Variants in IL33 observed in about 807,000 individuals in gnomAD.
IL33 encodes interleukin 33, also known as interleukin-33.
Under a neutral mutation model 27.3 loss-of-function variants are expected in IL33, and 37 were observed. The observed-to-expected ratio is 1.36, with a 90% CI of 1.04 to 1.78. IL33 has a LOEUF of 1.78. Among genes scored for constraint, IL33 ranks in the 40% most tolerant of loss-of-function variants. The probability of loss-of-function intolerance (pLI) is 0.00; values close to 1 mark genes in which losing one functional copy is unlikely to be tolerated. For missense variants in IL33, 406 were observed against 311.4 expected (o/e 1.30, Z -2.29); for synonymous variants, 132 against 102.9 (o/e 1.28, Z -1.71).
intron 6 of IL33, among the ~76,000 whole-genome samples, chr9:6,253,826 A>G (rs571522677): frequency 6.6e-6 from 1 of 152,308 alleles, no homozygotes; most frequent in African/African-American, 2.4e-5. Context: ...ACAGATCCAA[A>G]ACAAGAGTGG....
rs575522076 is a variant in IL33 at position 6,240,773 on chromosome 9, A to G, written c.-11-911A>G. Among the ~76,000 whole-genome samples the G allele has an allele frequency of 5.9e-5, 9 of 152,300 alleles. No homozygotes were observed. In the East Asian group the frequency reaches 1.7e-3, roughly 29 times the overall value. On this transcript the variant is annotated intron_variant, in intron 1 of 7. Coordinates refer to ENST00000682010, the MANE Select transcript of IL33 (RefSeq NM_033439.4). ...TTATTTAAAATTGTTTCCTTTTTCC[A>G]TAATAAATTAACCTTGCTTACTATA...
At chr9:6,238,047 A>G (rs1819330728) in intron 1 of IL33, among the ~76,000 whole-genome samples, 1 of 152,206 alleles carries the variant, frequency 6.6e-6, no homozygotes, top group South Asian at 2.1e-4. Context: ...TGCTTTGTGT[A>G]TAAGAAAGGC....
At position 6,251,213 on chromosome 9, in the gene IL33, T is replaced by C; in HGVS notation, c.291T>C (p.Gly97=). The change falls in exon 4 of 8, where the codon GGT becomes GGC. Residue 97 remains glycine (G), a synonymous_variant. Transcript: ENST00000682010. The part of the protein sequence containing the change: ...QQSTVECFAF[G]ISGVQKYTRA... ...CTACTGTGGAGTGCTTTGCCTTTGGTATATCAGGGGTCCAGAAATATACTA... is the reference window on the plus strand; with the variant it reads ...CTACTGTGGAGTGCTTTGCCTTTGGCATATCAGGGGTCCAGAAATATACTA... The C allele has an allele frequency of 6.2e-7, 1 of 1,614,002 alleles. No individual in the cohort carries two copies. The highest frequency in any genetic ancestry group is 8.5e-7 in the Non-Finnish European group (1 of 1,179,892).
At chr9:6,249,899 T>C (rs943739971) in intron 2 of IL33, among the ~76,000 whole-genome samples, 1 of 152,234 alleles carries the variant, frequency 6.6e-6, no homozygotes, top group African/African-American at 2.4e-5. Context: ...GTAGTTATTT[T>C]AATATCAGTA....
rs754333662 is a variant in IL33, at chr9:6,257,858, TC to T, written c.*1693del. On this transcript the variant is annotated 3_prime_UTR_variant, in exon 8 of 8. Coordinates refer to ENST00000682010, the MANE Select transcript of IL33 (RefSeq NM_033439.4). The stretch of plus-strand genomic sequence containing the variant: ...AAAAATAAAAGCAGAATGTATATCA[TC>T]CCATCTGAAAAACACTAATTATTGA... 3 of 152,176 alleles carry T rather than the reference TC, an allele frequency of 2.0e-5. No individual in the cohort carries two copies. Among genetic ancestry groups the T allele is most frequent in the Non-Finnish European group, 2.9e-5 (2 of 68,028 alleles). 9.4% of individuals were successfully genotyped at this position (152,176 alleles called of 1,614,324 possible).
intron 1 of IL33, among the ~76,000 whole-genome samples, chr9:6,223,915 C>T (rs1818517718): frequency 6.6e-6 from 1 of 152,118 alleles, no homozygotes; most frequent in South Asian, 2.1e-4. Context: ...CATCTATGAT[C>T]TCTCTTCATG....
At position 6,253,713 on chromosome 9, in the gene IL33, T is replaced by A. The variant is rs372604169; in HGVS notation, c.520+111T>A. On this transcript the variant is annotated intron_variant, in intron 6 of 7. Coordinates refer to ENST00000682010, the MANE Select transcript of IL33 (RefSeq NM_033439.4). The stretch of plus-strand genomic sequence containing the variant: ...AGGAAAAAAGATAGTCTCAGAAGGT[T>A]ATCTCCAACCCAAGCTCATGGTAAA... 3 of 708,838 alleles carry A rather than the reference T, an allele frequency of 4.2e-6. No individual in the cohort carries two copies. The African/African-American group carries it at 5.4e-5, about 13-fold the overall frequency. The allele number at this position is 708,838 out of a possible 1,614,324, so 43.9% of individuals were successfully genotyped here.
At chr9:6,215,927 T>G (rs1262897668) in intron 1 of IL33, 75 bp downstream of exon 1, 6 of 107,344 alleles carry the variant, frequency 5.6e-5, no homozygotes, top group African/African-American at 1.6e-4. Flanking sequence ...GAGAACTGTG[T>G]TTTTTTTTTT....
intron 2 of IL33, among the ~76,000 whole-genome samples, chr9:6,247,085 G>T (rs527792431): frequency 6.6e-6 from 1 of 152,196 alleles, no homozygotes; most frequent in African/African-American, 2.4e-5. Flanking sequence ...CAAAGATAGA[G>T]TTACAGTTTG....
intron 1 of IL33, among the ~76,000 whole-genome samples, chr9:6,220,953 T>C (rs1281874833): frequency 6.6e-6 from 1 of 152,014 alleles, no homozygotes; most frequent in Non-Finnish European, 1.5e-5. Context: ...GAGGTCTCAC[T>C]ATGTTGCCCA....
At chr9:6,217,555 C>G (rs994550561) in intron 1 of IL33, among the ~76,000 whole-genome samples, 3 of 152,092 alleles carry the variant, frequency 2.0e-5, no homozygotes, top group African/African-American at 7.2e-5. Context: ...TTCTCACTGT[C>G]AGTTTCAAAT....
At chr9:6,245,598 T>A (rs1030817115) in intron 2 of IL33, among the ~76,000 whole-genome samples, 3 of 152,156 alleles carry the variant, frequency 2.0e-5, no homozygotes, top group African/African-American at 7.2e-5. Context: ...GTCTACTGCA[T>A]TAATCTAAGG....
intron 1 of IL33, among the ~76,000 whole-genome samples, chr9:6,234,344 A>T (rs1819075066): frequency 6.6e-6 from 1 of 152,114 alleles, no homozygotes. Flanking sequence ...CATCAAACTA[A>T]TTCCCTGTCC....
chr9:6,231,369 C>T (rs1164165913), intron 1 of IL33, among the ~76,000 whole-genome samples: 1 of 152,196 alleles, frequency 6.6e-6, no homozygotes, highest in Non-Finnish European at 1.5e-5. Flanking sequence ...TCCAGCCACA[C>T]TAGCACTCTC....
At chr9:6,219,975 C>T (rs979678239) in intron 1 of IL33, among the ~76,000 whole-genome samples, 2 of 152,228 alleles carry the variant, frequency 1.3e-5, no homozygotes, top group African/African-American at 4.8e-5. Flanking sequence ...TAGTGCATCT[C>T]TAATCCTCTT....
rs1411652437 is a variant in IL33 at position 6,254,525 on chromosome 9, A to T, written c.584A>T (p.His195Leu). The change falls in exon 7 of 8, where the codon CAT (histidine) becomes CTT (leucine). Residue 195 changes from histidine (H) to leucine (L), a missense_variant. His to Leu is a moderately conservative substitution (Grantham distance 99, BLOSUM62 -3). Transcript: ENST00000682010. ...TLSPTKDFWL[H>L]ANNKEHSVEL... Reference sequence around the variant, plus strand: ...AGTCCTACAAAAGACTTCTGGTTGCATGCCAACAACAAGGAACACTCTGTG... The same window carrying T: ...AGTCCTACAAAAGACTTCTGGTTGCTTGCCAACAACAAGGAACACTCTGTG... 2 of 1,596,198 alleles carry T rather than the reference A, an allele frequency of 1.3e-6. No individual in the cohort carries two copies. The highest frequency in any genetic ancestry group is 1.7e-6 in the Non-Finnish European group (2 of 1,169,326).
intron 7 of IL33, among the ~76,000 whole-genome samples, chr9:6,254,803 C>G (rs1816635040): frequency 6.6e-6 from 1 of 152,024 alleles, no homozygotes; most frequent in Non-Finnish European, 1.5e-5. Context: ...ACCTGGGAGC[C>G]TGTTAGAAAT....
intron 1 of IL33, among the ~76,000 whole-genome samples, chr9:6,235,629 G>A (rs1260560214): frequency 6.6e-6 from 1 of 151,744 alleles, no homozygotes; most frequent in African/African-American, 2.4e-5. Context: ...CACAGACAAG[G>A]GTCTAATTTC....
chr9:6,230,074 GGTAA>G (rs983890074), intron 1 of IL33, among the ~76,000 whole-genome samples: 2 of 151,988 alleles, frequency 1.3e-5, no homozygotes, highest in Non-Finnish European at 2.9e-5. Flanking sequence ...TGGAGGGAGG[GGTAA>G]GTAAGGTTGG....
Sources: allele counts gnomAD v4.1 joint callset (sites outside exome capture counted in the v4.1 genomes callset), GRCh38; gene constraint gnomAD v4.1.1; transcripts MANE v1.5; gene names NCBI Gene and HGNC (gene_info 2026-07-23, HGNC 2026-07-21).